ZNF184: variants seen among roughly 807,000 people sequenced by gnomAD.
The protein encoded by ZNF184 is zinc finger protein 184, also known as zinc finger protein 184 (Kruppel-like).
In ZNF184, 16 loss-of-function variants were observed where a neutral mutation model predicts 54.4. That is an observed-to-expected ratio of 0.29 (90% CI 0.20 to 0.45). The LOEUF (loss-of-function observed/expected upper bound fraction) is 0.45, where lower values mean the gene tolerates loss of function less well. Among genes scored for constraint, ZNF184 ranks in the 20% least tolerant of loss-of-function variants. The pLI is 1.00. For synonymous variants in ZNF184, 254 were observed against 295.3 expected (o/e 0.86, Z 1.43); for missense variants, 681 against 888.2 (o/e 0.77, Z 2.97).
chr6:27,469,350 T>C (rs577903740), intron 2 of ZNF184, among the ~76,000 whole-genome samples: 63 of 152,302 alleles, frequency 4.1e-4, no homozygotes, highest in Admixed American at 3.7e-3. Flanking sequence ...ATACAAAATA[T>C]GAATGAGACT....
the ZNF184 span, among the ~76,000 whole-genome samples, chr6:27,443,684 TCCTC>T: frequency 6.6e-6 from 1 of 151,922 alleles, no homozygotes; most frequent in Non-Finnish European, 1.5e-5. Flanking sequence ...CAACTTACTC[TCCTC>T]CCTTTAATAC....
chr6:27,416,416 A>G, the ZNF184 span, among the ~76,000 whole-genome samples: 979 of 152,312 alleles, frequency 6.4e-3, 8 homozygotes, highest in African/African-American at 0.021. Context: ...TCTAGCATGG[A>G]TATCTGTTAC....
intron 3 of ZNF184, among the ~76,000 whole-genome samples, chr6:27,467,398 A>G (rs112670989): frequency 0.017 from 2,606 of 152,260 alleles, 46 homozygotes; most frequent in African/African-American, 0.045. Flanking sequence ...GTTTGAGACC[A>G]GCATCACCAG....
At chr6:27,424,390 C>T in the ZNF184 span, among the ~76,000 whole-genome samples, 7 of 152,286 alleles carry the variant, frequency 4.6e-5, no homozygotes, top group East Asian at 1.9e-4. Flanking sequence ...CTGCTGGCCC[C>T]GCAGCCTGCT....
chr6:27,457,671 C>T (rs1762893593), intron 3 of ZNF184, among the ~76,000 whole-genome samples: 1 of 152,080 alleles, frequency 6.6e-6, no homozygotes, highest in South Asian at 2.1e-4. Flanking sequence ...TGTTGTTGTC[C>T]TTCATCGTCA....
chr6:27,407,277 AGC>A, the ZNF184 span, among the ~76,000 whole-genome samples: 88,475 of 151,924 alleles, frequency 0.58, 26,729 homozygotes, highest in Middle Eastern at 0.76. Context: ...TTACTCACAT[AGC>A]TCACTTACAC....
At position 27,451,937 on chromosome 6, in the gene ZNF184, C is replaced by A; in HGVS notation, c.1622G>T (p.Arg541Leu). ...TTCATGCTTAGCAAGAGATGAACTCCGAATAAAAGCTTTCCCACATTCTTT... is the reference window on the plus strand; with the variant it reads ...TTCATGCTTAGCAAGAGATGAACTCAGAATAAAAGCTTTCCCACATTCTTT... ...ECKECGKAFI[R>L]SSSLAKHERI... The change falls in exon 6 of 6, where the codon CGG becomes CTG. Residue 541 changes from arginine to leucine, a missense_variant. Arg to Leu is a moderately radical substitution (Grantham distance 102, BLOSUM62 -2). Transcript: ENST00000683788. The A allele has an allele frequency of 6.2e-7, 1 of 1,612,778 alleles. No individual in the cohort carries two copies.
chr6:27,442,721 C>A, the ZNF184 span, among the ~76,000 whole-genome samples: 19 of 101,798 alleles, frequency 1.9e-4, no homozygotes, highest in South Asian at 7.6e-4. Flanking sequence ...GAAAGAAGGA[C>A]GGAAGGAAGG....
chr6:27,423,867 T>C, the ZNF184 span, among the ~76,000 whole-genome samples: 1 of 152,374 alleles, frequency 6.6e-6, no homozygotes, highest in East Asian at 1.9e-4. Context: ...TGAATTCTTA[T>C]ACCACGTATC....
the ZNF184 span, among the ~76,000 whole-genome samples, chr6:27,442,615 G>A: frequency 1.3e-5 from 2 of 151,026 alleles, no homozygotes; most frequent in Admixed American, 1.3e-4. Flanking sequence ...AAGCAAGTAA[G>A]CTAGCAAGAA....
At chr6:27,449,904 A>G (rs1762680797), downstream of ZNF184, among the ~76,000 whole-genome samples, 1 of 152,230 alleles carries the variant, frequency 6.6e-6, no homozygotes, top group Non-Finnish European at 1.5e-5. Context: ...ATGGTTTAAA[A>G]TAACTTCCTC....
At chr6:27,420,654 G>C in the ZNF184 span, among the ~76,000 whole-genome samples, 8 of 152,316 alleles carry the variant, frequency 5.3e-5, no homozygotes, top group Admixed American at 3.9e-4. Flanking sequence ...ACCAAATGCT[G>C]ATGAAGGATG....
At chr6:27,442,333 G>A in the ZNF184 span, among the ~76,000 whole-genome samples, 1 of 152,062 alleles carries the variant, frequency 6.6e-6, no homozygotes, top group Non-Finnish European at 1.5e-5. Context: ...ATAATAATGG[G>A]GGTCAGCCAA....
At chr6:27,459,765 C>T (rs1472960655) in intron 3 of ZNF184, among the ~76,000 whole-genome samples, 1 of 152,112 alleles carries the variant, frequency 6.6e-6, no homozygotes, top group African/African-American at 2.4e-5. Flanking sequence ...CTTACATGCC[C>T]ATTAATAGGA....
chr6:27,430,177 T>C, the ZNF184 span, among the ~76,000 whole-genome samples: 1 of 152,216 alleles, frequency 6.6e-6, no homozygotes, highest in Non-Finnish European at 1.5e-5. Flanking sequence ...GGGGATTTTA[T>C]CTTCTGCATT....
At chr6:27,424,481 G>T in the ZNF184 span, among the ~76,000 whole-genome samples, 40 of 152,242 alleles carry the variant, frequency 2.6e-4, no homozygotes, top group African/African-American at 9.4e-4. Context: ...GCTGATTGGT[G>T]CGTTTATAAT....
the ZNF184 span, among the ~76,000 whole-genome samples, chr6:27,428,239 C>T: frequency 6.6e-6 from 1 of 152,286 alleles, no homozygotes; most frequent in African/African-American, 2.4e-5. This position sits in a 1 kb window ranked among gnomAD's most constrained non-coding sequence, Gnocchi z 4.1. Context: ...AGTTTTTCAT[C>T]TTTCTCTCCA....
the ZNF184 span, among the ~76,000 whole-genome samples, chr6:27,439,793 C>T: frequency 1.3e-5 from 2 of 151,750 alleles, no homozygotes; most frequent in Non-Finnish European, 1.5e-5. Flanking sequence ...AAAAGCAGTA[C>T]AGTATGTATA....
intron 2 of ZNF184, among the ~76,000 whole-genome samples, chr6:27,468,845 T>C (rs1240780444): frequency 1.3e-5 from 2 of 152,214 alleles, no homozygotes; most frequent in Non-Finnish European, 2.9e-5. Flanking sequence ...GTTAGAATAG[T>C]ACTTCTGGAG....
Sources: gnomAD v4.1 joint callset for allele counts (sites outside exome capture counted in the v4.1 genomes callset) on GRCh38, gnomAD v4.1.1 for gene constraint, Gnocchi (gnomAD v3.1) non-coding constraint, MANE v1.5 for transcripts, NCBI Gene and HGNC (gene_info 2026-07-23, HGNC 2026-07-21) for gene names.